FBXO36: variants seen among roughly 807,000 people sequenced by gnomAD.
FBXO36 encodes the protein F-box only protein 36.
Under a neutral mutation model 17.0 loss-of-function variants are expected in FBXO36, and 18 were observed. The ratio of observed to expected loss-of-function variants is 1.06; its 90% CI spans 0.73 to 1.57. The LOEUF (loss-of-function observed/expected upper bound fraction) is 1.57, where lower values mean the gene tolerates loss of function less well. FBXO36 is among the 40% of genes most tolerant of loss of function. The pLI is 0.00. For synonymous variants in FBXO36, 83 were observed against 85.3 expected (o/e 0.97, Z 0.15); for missense variants, 229 against 221.9 (o/e 1.03, Z -0.20).
intron 1 of FBXO36, among the ~76,000 whole-genome samples, chr2:229,948,927 G>A (rs545869634): frequency 2.2e-4 from 34 of 152,206 alleles, no homozygotes; most frequent in Admixed American, 7.2e-4. Context: ...TTCGCCTCCC[G>A]AGTTCAACTG....
intron 2 of FBXO36, chr2:229,977,073 G>T (rs901038837): frequency 2.6e-5 from 4 of 152,076 alleles, no homozygotes; most frequent in African/African-American, 9.7e-5. Context: ...AAAGTCTCTG[G>T]TTAGAGGTTA....
intron 2 of FBXO36, among the ~76,000 whole-genome samples, chr2:229,979,058 TC>T (rs1327605310): frequency 1.3e-5 from 2 of 151,340 alleles, no homozygotes; most frequent in East Asian, 3.9e-4. Context: ...GCGCCTGTAA[TC>T]CCTGCTGCTC....
At chr2:229,981,190 T>C (rs1360552018) in intron 2 of FBXO36, among the ~76,000 whole-genome samples, 1 of 152,108 alleles carries the variant, frequency 6.6e-6, no homozygotes, top group Non-Finnish European at 1.5e-5. Flanking sequence ...CGGTGAGCAT[T>C]CAATGGCCTG....
At chr2:229,992,398 T>C (rs1208144721) in intron 2 of FBXO36, among the ~76,000 whole-genome samples, 7 of 152,300 alleles carry the variant, frequency 4.6e-5, no homozygotes, top group African/African-American at 1.4e-4. Flanking sequence ...CCCCAAGTGA[T>C]CTGCCTGCCT....
chr2:229,956,959 G>T (rs1044315952), intron 1 of FBXO36, among the ~76,000 whole-genome samples: 12 of 152,062 alleles, frequency 7.9e-5, no homozygotes, highest in African/African-American at 2.4e-4. Flanking sequence ...ATTTAATCTT[G>T]ATATCCTTCT....
chr2:229,941,215 G>T (rs950262241), intron 1 of FBXO36, among the ~76,000 whole-genome samples: 1 of 152,152 alleles, frequency 6.6e-6, no homozygotes, highest in African/African-American at 2.4e-5. Flanking sequence ...CAGCACTTTG[G>T]GAGGCCGAGG....
intron 3 of FBXO36, among the ~76,000 whole-genome samples, chr2:230,005,449 A>ATG (rs1474757622): frequency 6.6e-6 from 1 of 152,136 alleles, no homozygotes; most frequent in African/African-American, 2.4e-5. Flanking sequence ...GTATTTATAA[A>ATG]TGATGCTCCA....
At chr2:229,979,169 C>CA (rs11368097) in intron 2 of FBXO36, among the ~76,000 whole-genome samples, 30,544 of 129,324 alleles carry the variant, frequency 0.24, 3,700 homozygotes, top group East Asian at 0.51. Context: ...TACTCTGTCT[C>CA]AAAAAAAAAA....
intron 3 of FBXO36, among the ~76,000 whole-genome samples, chr2:229,998,486 G>A (rs71415740): frequency 0.23 from 35,220 of 152,086 alleles, 5,106 homozygotes; most frequent in Middle Eastern, 0.38. Context: ...GCCAAGCGTG[G>A]TAGCACATGC....
chr2:229,961,298 T>TTATATTAC (rs2077119524), intron 1 of FBXO36, among the ~76,000 whole-genome samples: 1 of 152,182 alleles, frequency 6.6e-6, no homozygotes, highest in South Asian at 2.1e-4. Context: ...TATAATAGCC[T>TTATATTAC]TATATTACTT....
At chr2:229,942,841 C>T (rs932184450) in intron 1 of FBXO36, 6 of 152,240 alleles carry the variant, frequency 3.9e-5, no homozygotes, top group East Asian at 1.9e-4. Context: ...ACAGTCAAGC[C>T]GGTCTATTGC....
intron 2 of FBXO36, among the ~76,000 whole-genome samples, chr2:229,996,038 G>T (rs943840755): frequency 2.0e-5 from 3 of 151,986 alleles, no homozygotes; most frequent in African/African-American, 7.2e-5. Context: ...CACTTTGGGA[G>T]GCCGAGGTGG....
chr2:229,928,030 A>G (rs1453533005), intron 1 of FBXO36, among the ~76,000 whole-genome samples: 2 of 152,226 alleles, frequency 1.3e-5, no homozygotes, highest in African/African-American at 2.4e-5. Context: ...ATGTTAATGC[A>G]CACACCCTTT....
At chr2:229,974,331 A>G (rs1194646775) in intron 1 of FBXO36, among the ~76,000 whole-genome samples, 1 of 152,110 alleles carries the variant, frequency 6.6e-6, no homozygotes, top group African/African-American at 2.4e-5. Context: ...TCAGTAATTT[A>G]CTTTAAATAC....
intron 3 of FBXO36, among the ~76,000 whole-genome samples, chr2:230,000,762 G>C (rs2077354081): frequency 6.6e-6 from 1 of 151,908 alleles, no homozygotes; most frequent in Admixed American, 6.6e-5. Context: ...TTTCAGCCCT[G>C]AGCATCTTTA....
chr2:229,988,483 G>A lies in FBXO36; in HGVS notation c.206-8268G>A, dbSNP rs138444263. On this transcript the variant is annotated intron_variant, in intron 2 of 3. Transcript: ENST00000283946. ...TTTTCACCAGTATATCCAGGAAATC[G>A]CTTCATGTCTTTGGAGATATTCTTT... Among the ~76,000 whole-genome samples, 54 of 152,108 alleles carry A rather than the reference G, an allele frequency of 3.6e-4. 1 individual carries two copies. Among genetic ancestry groups the A allele is most frequent in the African/African-American group, 1.2e-3 (51 of 41,510 alleles).
At chr2:229,998,624 GAAA>G (rs71049611) in intron 3 of FBXO36, among the ~76,000 whole-genome samples, 1 of 130,000 alleles carries the variant, frequency 7.7e-6, no homozygotes, top group Non-Finnish European at 1.6e-5. Context: ...CTCAGTCTCA[GAAA>G]AAAAAAAAAA....
At chr2:229,971,562 C>CT (rs1446855846) in intron 1 of FBXO36, among the ~76,000 whole-genome samples, 1 of 152,096 alleles carries the variant, frequency 6.6e-6, no homozygotes, top group Non-Finnish European at 1.5e-5. Flanking sequence ...GGCCTATACT[C>CT]TGAGCACAAG....
chr2:229,922,973 C>T (rs1169218416), intron 1 of FBXO36, among the ~76,000 whole-genome samples: 6 of 152,224 alleles, frequency 3.9e-5, no homozygotes, highest in Non-Finnish European at 7.3e-5. Context: ...AAGAACGACT[C>T]AGCCAAGTGT....
Sources: allele counts gnomAD v4.1 joint callset (sites outside exome capture counted in the v4.1 genomes callset), GRCh38; gene constraint gnomAD v4.1.1; transcripts MANE v1.5; gene names NCBI Gene and HGNC (gene_info 2026-07-23, HGNC 2026-07-21).